FANCA: variants seen among roughly 807,000 people sequenced by gnomAD.
FANCA encodes the protein Fanconi anemia group A protein.
In FANCA, 236 loss-of-function variants were observed where a neutral mutation model predicts 194.3. That is an observed-to-expected ratio of 1.21 (90% CI 1.09 to 1.35). The LOEUF (loss-of-function observed/expected upper bound fraction) is 1.35. Among genes scored for constraint, FANCA ranks in the 40% most tolerant of loss-of-function variants. FANCA has a pLI of 0.00. For synonymous variants in FANCA, 1,014 were observed against 715.8 expected (o/e 1.42, Z -6.65); for missense variants, 2,628 against 1,813.9 (o/e 1.45, Z -8.15).
chr16:89,794,257 A>G (rs1412034642), intron 11 of FANCA, among the ~76,000 whole-genome samples: 2 of 152,166 alleles, frequency 1.3e-5, no homozygotes, highest in Non-Finnish European at 2.9e-5. Context: ...TCCTGCTTTT[A>G]AACTGTCAGT....
chr16:89,815,797 C>G (rs2041090051), intron 2 of FANCA, 80 bp downstream of exon 2: 1 of 1,173,862 alleles, frequency 8.5e-7, no homozygotes, highest in Non-Finnish European at 1.3e-6. Flanking sequence ...CGGGTGTTTT[C>G]TTAGGAAAGC....
intron 27 of FANCA, 27 bp downstream of exon 27, chr16:89,767,113 TG>T: frequency 6.4e-7 from 1 of 1,551,116 alleles, no homozygotes. Flanking sequence ...TATGGCAGAA[TG>T]GAAAAATAGG....
rs8055819 is a variant in FANCA at position 89,801,302 on chromosome 16, C to G, written c.793-1664G>C. 5.7e-4 allele frequency among the ~76,000 whole-genome samples: 83 copies of G among 146,824 alleles called. 1 individual carries two copies. The highest frequency in any genetic ancestry group is 2.0e-3 in the African/African-American group (77 of 38,958). ...GAGCTTGCAGTGAGCCGAGATCGCGCCACTGCACTCCAGCCCGGGCGACAG... is the reference window on the plus strand; with the variant it reads ...GAGCTTGCAGTGAGCCGAGATCGCGGCACTGCACTCCAGCCCGGGCGACAG... On this transcript the variant is annotated intron_variant, in intron 8 of 42. Transcript: ENST00000389301.
chr16:89,812,680 G>A (rs2040942233), intron 3 of FANCA, among the ~76,000 whole-genome samples: 2 of 127,092 alleles, frequency 1.6e-5, no homozygotes, highest in African/African-American at 5.4e-5. Flanking sequence ...ACTGTTAACT[G>A]CAGTACGAAC....
At chr16:89,809,206 C>G (rs537860084) in intron 5 of FANCA, among the ~76,000 whole-genome samples, 1 of 151,966 alleles carries the variant, frequency 6.6e-6, no homozygotes, top group Non-Finnish European at 1.5e-5. Context: ...GGGCCCGGCC[C>G]CTAACTCGCA....
At chr16:89,813,337 G>A (rs889086908) in intron 3 of FANCA, among the ~76,000 whole-genome samples, 1 of 151,636 alleles carries the variant, frequency 6.6e-6, no homozygotes, top group African/African-American at 2.4e-5. Context: ...GAGGCCAGGA[G>A]GTCAAGACTG....
chr16:89,738,151 G>T lies in FANCA; in HGVS notation c.*450C>A, dbSNP rs757122898. 15 of 1,613,422 alleles carry T rather than the reference G, an allele frequency of 9.3e-6. No individual in the cohort carries two copies. In the East Asian group the frequency reaches 3.3e-4, roughly 36 times the overall value. On this transcript the variant is annotated 3_prime_UTR_variant, in exon 43 of 43. Coordinates refer to ENST00000389301, the MANE Select transcript of FANCA (RefSeq NM_000135.4). ...GGTGCACCCGCTGACACAGACCCAGGACAAGGCCCTGCCCCTGGAGGCGGA... is the reference window on the plus strand; with the variant it reads ...GGTGCACCCGCTGACACAGACCCAGTACAAGGCCCTGCCCCTGGAGGCGGA...
intron 3 of FANCA, among the ~76,000 whole-genome samples, chr16:89,811,783 T>G (rs2040891640): frequency 6.6e-6 from 1 of 152,264 alleles, no homozygotes; most frequent in African/African-American, 2.4e-5. Context: ...TGGACTGAAG[T>G]GCAACGGCGC....
At chr16:89,764,833 C>T (rs777682223) in intron 28 of FANCA, 57 bp downstream of exon 28, 1 of 1,593,694 alleles carries the variant, frequency 6.3e-7, no homozygotes, top group Non-Finnish European at 8.6e-7. Context: ...CCGAGGAGCA[C>T]ACACAAACCC....
At chr16:89,782,966 C>T (rs1055021908) in intron 16 of FANCA, 41 bp downstream of exon 16, 1 of 1,612,338 alleles carries the variant, frequency 6.2e-7, no homozygotes, top group South Asian at 1.1e-5. Flanking sequence ...GCAGTTTCTG[C>T]TGGGACAGGT....
At chr16:89,784,659 C>A (rs569499648) in intron 15 of FANCA, among the ~76,000 whole-genome samples, 195 bp downstream of exon 15, 1 of 151,920 alleles carries the variant, frequency 6.6e-6, no homozygotes, top group East Asian at 1.9e-4. Context: ...TGTGTGTCCA[C>A]GTGGACACCT....
chr16:89,791,421 T>C lies in FANCA; in HGVS notation c.1341A>G (p.Ser447=), dbSNP rs895188167. 4.3e-6 allele frequency: 7 copies of C among 1,614,086 alleles called. No individual in the cohort carries two copies. The highest frequency in any genetic ancestry group is 5.9e-6 in the Non-Finnish European group (7 of 1,179,972). Residue 447 remains serine, a synonymous_variant, in exon 14 of 43, where the codon TCA becomes TCG. Transcript: ENST00000389301. ...AALEGPSAFL[S]YADWFKASFG... ...CACTTACCTTGAACCAGTCTGCATATGACAGGAACGCAGAGGGGCCCTCCA... is the reference window on the plus strand; with the variant it reads ...CACTTACCTTGAACCAGTCTGCATACGACAGGAACGCAGAGGGGCCCTCCA...
intron 28 of FANCA, 44 bp downstream of exon 28, chr16:89,764,846 G>C (rs1179370801): frequency 1.9e-6 from 3 of 1,605,090 alleles, no homozygotes; most frequent in South Asian, 1.1e-5. Flanking sequence ...ACAAACCCTA[G>C]ACTCAGGACG....
At position 89,779,889 on chromosome 16, in the gene FANCA, TG is replaced by T. The variant is rs1309675083; in HGVS notation, c.1694del (p.Pro565GlnfsTer40). ...IMVFEHTGNI[P>X]VTVMEASIFR... Reference sequence around the variant, plus strand: ...CCTACCTGGCCTCCATGACGGTGACTGGGATGTTCCCCGTATGCTCAAACAC... The same window carrying T: ...CCTACCTGGCCTCCATGACGGTGACTGGATGTTCCCCGTATGCTCAAACAC... On this transcript the variant is annotated frameshift_variant, in exon 18 of 43. Coordinates refer to ENST00000389301, the MANE Select transcript of FANCA (RefSeq NM_000135.4). LOFTEE classifies it high-confidence loss of function. The T allele has an allele frequency of 6.2e-7, 1 of 1,613,960 alleles. No individual in the cohort carries two copies. Among genetic ancestry groups the T allele is most frequent in the Non-Finnish European group, 8.5e-7 (1 of 1,180,026 alleles).
At chr16:89,777,644 A>G (rs2039554828) in intron 20 of FANCA, among the ~76,000 whole-genome samples, 1 of 152,054 alleles carries the variant, frequency 6.6e-6, no homozygotes, top group Admixed American at 6.6e-5. Flanking sequence ...TTGCTGGAAT[A>G]TAGGACTTAT....
intron 5 of FANCA, 23 bp from the exon 6 acceptor site, chr16:89,808,390 C>G (rs1000574578): frequency 6.2e-7 from 1 of 1,609,598 alleles, no homozygotes; most frequent in South Asian, 1.1e-5. Context: ...ACAAAACAAA[C>G]AAAAACAAAA....
intron 12 of FANCA, 27 bp from the exon 13 acceptor site, chr16:89,792,095 A>C (rs547234361): frequency 1.2e-6 from 2 of 1,613,948 alleles, no homozygotes; most frequent in Admixed American, 1.7e-5. Context: ...CGCTCCCTTC[A>C]ATATCCAAGC....
At chr16:89,779,495 C>T (rs2039628660) in intron 18 of FANCA, among the ~76,000 whole-genome samples, 1 of 152,150 alleles carries the variant, frequency 6.6e-6, no homozygotes, top group African/African-American at 2.4e-5. Context: ...GCCTTCCCTC[C>T]CAGTGCAAGC....
At chr16:89,744,589 A>C in intron 36 of FANCA, 1 of 349,600 alleles carries the variant, frequency 2.9e-6, no homozygotes, top group South Asian at 2.3e-5. Flanking sequence ...GGTGCAAAGG[A>C]ATCACTCGAG....
Sources: allele counts gnomAD v4.1 joint callset (sites outside exome capture counted in the v4.1 genomes callset), GRCh38; gene constraint gnomAD v4.1.1; transcripts MANE v1.5; gene names NCBI Gene and HGNC (gene_info 2026-07-23, HGNC 2026-07-21).